Variants in CSMD1 observed in about 807,000 individuals in gnomAD.
CSMD1 encodes the protein CUB and Sushi multiple domains 1, also known as CUB and sushi domain-containing protein 1.
Under a neutral mutation model 417.5 loss-of-function variants are expected in CSMD1, and 213 were observed. The observed-to-expected ratio is 0.51, with a 90% CI of 0.46 to 0.57. CSMD1 has a LOEUF of 0.57. Ranked by LOEUF, CSMD1 falls within the 20% of genes least tolerant of loss-of-function variation. The pLI, the probability that CSMD1 is intolerant of heterozygous loss-of-function variation, is 0.00. For synonymous variants in CSMD1, 2,862 were observed against 1,736.8 expected, an observed-to-expected ratio of 1.65 and a Z score of -16.11; for missense variants, 6,923 against 4,529.7, an observed-to-expected ratio of 1.53 and a Z score of -15.17.
chr8:3,588,326 C>CG (rs202128680), intron 8 of CSMD1, among the ~76,000 whole-genome samples: 156 of 39,708 alleles, frequency 3.9e-3, no homozygotes, highest in African/African-American at 0.014. Flanking sequence ...ATAAAGAAAA[C>CG]AAAAAGTCAT....
At chr8:4,801,169 A>C (rs1798262987) in intron 1 of CSMD1, among the ~76,000 whole-genome samples, 1 of 152,262 alleles carries the variant, frequency 6.6e-6, no homozygotes, top group Admixed American at 6.5e-5. Flanking sequence ...GTCTTACTTC[A>C]GACTGTCTGT....
chr8:4,664,417 G>A (rs1213599163), intron 1 of CSMD1, among the ~76,000 whole-genome samples: 1 of 152,026 alleles, frequency 6.6e-6, no homozygotes, highest in East Asian at 1.9e-4. Context: ...AAAATTGAAT[G>A]TTCCTGGTAG....
At chr8:3,619,783 A>G (rs903681083) in intron 7 of CSMD1, among the ~76,000 whole-genome samples, 1 of 152,174 alleles carries the variant, frequency 6.6e-6, no homozygotes, top group African/African-American at 2.4e-5. Context: ...CAGGTTAGAA[A>G]GCAATGGATA....
intron 1 of CSMD1, among the ~76,000 whole-genome samples, chr8:4,889,617 G>A (rs1229590785): frequency 6.6e-6 from 1 of 152,106 alleles, no homozygotes; most frequent in South Asian, 2.1e-4. Context: ...ATAATGACTG[G>A]CTTAAGGTTA....
chr8:4,743,517 G>A (rs1243318458), intron 1 of CSMD1, among the ~76,000 whole-genome samples: 1 of 152,166 alleles, frequency 6.6e-6, no homozygotes, highest in African/African-American at 2.4e-5. Context: ...CCTGCTTTGA[G>A]TTCATGATGT....
At chr8:4,424,928 A>G (rs908736377) in intron 2 of CSMD1, among the ~76,000 whole-genome samples, 1 of 152,132 alleles carries the variant, frequency 6.6e-6, no homozygotes, top group African/African-American at 2.4e-5. Context: ...AATACATTGG[A>G]AAGGTTGAGA....
intron 2 of CSMD1, among the ~76,000 whole-genome samples, chr8:4,468,940 G>T (rs898004815): frequency 7.9e-6 from 1 of 126,744 alleles, no homozygotes; most frequent in Non-Finnish European, 1.9e-5. Context: ...CATTCTGTTT[G>T]ACTCCTTACA....
chr8:3,225,081 T>C (rs1487465536), intron 27 of CSMD1, among the ~76,000 whole-genome samples: 1 of 152,196 alleles, frequency 6.6e-6, no homozygotes, highest in African/African-American at 2.4e-5. Context: ...TGCTGATTTT[T>C]CCCCTATACA....
intron 15 of CSMD1, among the ~76,000 whole-genome samples, chr8:3,401,151 G>C (rs1812016238): frequency 6.6e-6 from 1 of 151,468 alleles, no homozygotes; most frequent in Admixed American, 6.6e-5. Flanking sequence ...CTTTTATTTT[G>C]TCATGTTTAA....
chr8:4,364,343 A>C (rs1333061812), intron 3 of CSMD1, among the ~76,000 whole-genome samples: 1 of 152,202 alleles, frequency 6.6e-6, no homozygotes, highest in Non-Finnish European at 1.5e-5. Context: ...ATAAAGAGAA[A>C]TCTTACCTAA....
intron 3 of CSMD1, among the ~76,000 whole-genome samples, chr8:4,059,415 T>C (rs1168387040): frequency 6.6e-6 from 1 of 152,124 alleles, no homozygotes; most frequent in African/African-American, 2.4e-5. Context: ...ATTCAAAAGC[T>C]AGCAGAAGGC....
chr8:3,880,633 A>G (rs1806144477), intron 5 of CSMD1, among the ~76,000 whole-genome samples: 2 of 152,240 alleles, frequency 1.3e-5, no homozygotes, highest in African/African-American at 4.8e-5. Flanking sequence ...TCTAGGACAT[A>G]CATGTTTCTT....
Position 4,155,166 on chromosome 8 carries a change from G to A in CSMD1, c.416-123067C>T, listed in dbSNP as rs149497005. 8.9e-3 allele frequency among the ~76,000 whole-genome samples: 1,348 copies of A among 152,276 alleles called. 11 individuals carry two copies. Among genetic ancestry groups the A allele is most frequent in the Non-Finnish European group, 0.014 (934 of 68,018 alleles). ...AGATGAGATAAAAGAGGCACTGACT[G>A]TTTACATAATTTGCCCAGGATTGTC... On this transcript the variant is annotated intron_variant, in intron 3 of 69. Transcript: ENST00000635120.
chr8:3,650,400 A>G (rs905286795), intron 7 of CSMD1, among the ~76,000 whole-genome samples: 1 of 152,212 alleles, frequency 6.6e-6, no homozygotes, highest in African/African-American at 2.4e-5. Context: ...AAATTATGAC[A>G]TGGCAAAAAG....
intron 7 of CSMD1, among the ~76,000 whole-genome samples, chr8:3,644,562 G>C (rs955039779): frequency 3.3e-5 from 5 of 152,268 alleles, no homozygotes; most frequent in Admixed American, 6.5e-5. Context: ...GGAAAGGTAG[G>C]AGATTGAATC....
rs1332108274 is a variant in CSMD1 at position 4,424,075 on chromosome 8, G to A, written c.303-4010C>T. On this transcript the variant is annotated intron_variant, in intron 2 of 69. Transcript: ENST00000635120. Reference sequence around the variant, plus strand: ...TGGATTACAAATATAAATGTAAAATGTAAAGCAATTAGACTCTTAGGAAAA... The same window carrying A: ...TGGATTACAAATATAAATGTAAAATATAAAGCAATTAGACTCTTAGGAAAA... Among the ~76,000 whole-genome samples, 3 of 152,088 alleles carry A rather than the reference G, an allele frequency of 2.0e-5. No individual in the cohort carries two copies. The South Asian group carries it at 6.2e-4, about 32-fold the overall frequency.
At chr8:4,956,111 C>A (rs988150041) in intron 1 of CSMD1, among the ~76,000 whole-genome samples, 2 of 152,138 alleles carry the variant, frequency 1.3e-5, no homozygotes, top group African/African-American at 4.8e-5. Context: ...ACCCTAAGAA[C>A]TGCTAATTAC....
intron 10 of CSMD1, among the ~76,000 whole-genome samples, chr8:3,538,500 T>C (rs1386028679): frequency 2.0e-5 from 3 of 152,210 alleles, no homozygotes. Flanking sequence ...TCACCTGCGA[T>C]GCCTCACCTG....
intron 12 of CSMD1, among the ~76,000 whole-genome samples, chr8:3,456,116 C>G (rs1331887580): frequency 6.6e-6 from 1 of 152,204 alleles, no homozygotes; most frequent in Non-Finnish European, 1.5e-5. Flanking sequence ...AAGCCAGGTG[C>G]AGGATATAAT....
Sources: gnomAD v4.1 joint callset for allele counts (sites outside exome capture counted in the v4.1 genomes callset) on GRCh38, gnomAD v4.1.1 for gene constraint, MANE v1.5 for transcripts, NCBI Gene and HGNC (gene_info 2026-07-23, HGNC 2026-07-21) for gene names.